LDLRAD3: variants seen among roughly 807,000 people sequenced by gnomAD.
The protein encoded by LDLRAD3 is low density lipoprotein receptor class A domain containing 3.
Under a neutral mutation model 29.4 loss-of-function variants are expected in LDLRAD3, and 20 were observed. The ratio of observed to expected loss-of-function variants is 0.68; its 90% CI spans 0.48 to 0.99. The LOEUF is 0.99. Among genes scored for constraint, LDLRAD3 ranks in the 50% least tolerant of loss-of-function variants. The pLI, the probability that LDLRAD3 is intolerant of heterozygous loss-of-function variation, is 0.00. For synonymous variants in LDLRAD3, 157 were observed against 192.7 expected, an observed-to-expected ratio of 0.81 and a Z score of 1.53; for missense variants, 420 against 454.3, an observed-to-expected ratio of 0.92 and a Z score of 0.69.
At chr11:36,161,723 A>C (rs190095936) in intron 4 of LDLRAD3, among the ~76,000 whole-genome samples, 32 of 152,312 alleles carry the variant, frequency 2.1e-4, no homozygotes, top group Non-Finnish European at 4.4e-5. Flanking sequence ...GGGAAGTTTT[A>C]TTTTGCCACT....
intron 1 of LDLRAD3, among the ~76,000 whole-genome samples, chr11:36,013,670 G>GTA (rs1369048305): frequency 6.6e-6 from 1 of 152,142 alleles, no homozygotes; most frequent in Non-Finnish European, 1.5e-5. Context: ...GTATTCCATG[G>GTA]TATATATGTG....
intron 1 of LDLRAD3, among the ~76,000 whole-genome samples, chr11:35,996,393 C>G (rs575466401): frequency 6.6e-6 from 1 of 151,972 alleles, no homozygotes; most frequent in Admixed American, 6.6e-5. Context: ...GTTTGAGGTG[C>G]CCCAAAATGT....
chr11:35,947,948 A>G (rs1400636551), intron 1 of LDLRAD3, among the ~76,000 whole-genome samples: 3 of 152,226 alleles, frequency 2.0e-5, no homozygotes, highest in African/African-American at 7.2e-5. Context: ...CTTTCTTTGC[A>G]GGATACTTTG....
intron 2 of LDLRAD3, among the ~76,000 whole-genome samples, chr11:36,073,889 G>A (rs1381411713): frequency 6.6e-6 from 1 of 152,202 alleles, no homozygotes; most frequent in East Asian, 1.9e-4. Context: ...ATCTAAGGAG[G>A]CGGCAGAGCA....
At chr11:36,037,356 C>A (rs1003214086) in intron 2 of LDLRAD3, among the ~76,000 whole-genome samples, 1 of 152,122 alleles carries the variant, frequency 6.6e-6, no homozygotes. Flanking sequence ...GCTCTGTCAC[C>A]CGGGGCTGGA....
chr11:36,054,707 G>T (rs968536426), intron 2 of LDLRAD3, among the ~76,000 whole-genome samples: 1 of 90,642 alleles, frequency 1.1e-5, no homozygotes, highest in Non-Finnish European at 2.2e-5. Flanking sequence ...GGGTGGATGG[G>T]TGGGTGGATG....
intron 4 of LDLRAD3, among the ~76,000 whole-genome samples, chr11:36,120,828 A>G (rs183574273): frequency 6.6e-6 from 1 of 152,320 alleles, no homozygotes; most frequent in African/African-American, 2.4e-5. Context: ...TGATTAGGTC[A>G]TAAGGGCAGA....
intron 2 of LDLRAD3, among the ~76,000 whole-genome samples, chr11:36,048,369 A>C (rs1463852628): frequency 6.6e-6 from 1 of 152,162 alleles, no homozygotes; most frequent in Non-Finnish European, 1.5e-5. Flanking sequence ...AATGCTGTCG[A>C]GTTCCCATTG....
chr11:36,096,943 A>G (rs993233773), intron 3 of LDLRAD3, among the ~76,000 whole-genome samples: 7 of 152,236 alleles, frequency 4.6e-5, no homozygotes, highest in African/African-American at 7.2e-5. Flanking sequence ...ACTTGGCTGA[A>G]CTAGTTATTG....
In LDLRAD3 at chr11:36,167,909, G is replaced by A. The variant is rs192455428; in HGVS notation, c.455-59176G>A. 4.4e-3 allele frequency among the ~76,000 whole-genome samples: 666 copies of A among 152,256 alleles called. 3 individuals are homozygous for A. Among genetic ancestry groups the A allele is most frequent in the Non-Finnish European group, 6.4e-3 (435 of 68,018 alleles). ...ACCTTGACACATGGATGCAGTGTCT[G>A]GAAGGTGCACCAACTAAAATGCTTT... On this transcript the variant is annotated intron_variant, in intron 4 of 5. Transcript: ENST00000315571.
chr11:36,183,719 T>C (rs1854801195), intron 4 of LDLRAD3, among the ~76,000 whole-genome samples: 2 of 152,226 alleles, frequency 1.3e-5, no homozygotes, highest in Non-Finnish European at 2.9e-5. Flanking sequence ...TTCTGCACCA[T>C]AATTTGAATT....
intron 4 of LDLRAD3, chr11:36,163,643 C>A (rs551518489): frequency 6.6e-6 from 1 of 151,808 alleles, no homozygotes; most frequent in East Asian, 1.9e-4. Context: ...CATTTGATAA[C>A]CCACTTGAGT....
chr11:35,994,335 T>TA (rs1851724984), intron 1 of LDLRAD3, among the ~76,000 whole-genome samples: 1 of 37,362 alleles, frequency 2.7e-5, no homozygotes. Flanking sequence ...AGACTTTGTC[T>TA]CAAAAAAAAA....
chr11:35,982,608 C>T (rs1851555648), intron 1 of LDLRAD3, among the ~76,000 whole-genome samples: 1 of 152,090 alleles, frequency 6.6e-6, no homozygotes, highest in African/African-American at 2.4e-5. Flanking sequence ...CTGTGCATGC[C>T]CAGAAGGTGT....
At chr11:35,975,848 T>C (rs976620303) in intron 1 of LDLRAD3, among the ~76,000 whole-genome samples, 1 of 149,524 alleles carries the variant, frequency 6.7e-6, no homozygotes, top group Non-Finnish European at 1.5e-5. Context: ...TTTTTTTTTT[T>C]AGAAGAAGGG....
chr11:36,107,404 C>G (rs1853544900), intron 4 of LDLRAD3, among the ~76,000 whole-genome samples: 1 of 152,030 alleles, frequency 6.6e-6, no homozygotes, highest in Admixed American at 6.5e-5. Context: ...CCACGTTGGC[C>G]AGGCTGGTCT....
chr11:36,148,623 G>A (rs1327044504), intron 4 of LDLRAD3, among the ~76,000 whole-genome samples: 1 of 152,164 alleles, frequency 6.6e-6, no homozygotes. Flanking sequence ...CAAGGAGAAG[G>A]AGATAGGGCC....
intron 4 of LDLRAD3, among the ~76,000 whole-genome samples, chr11:36,199,909 G>A (rs939940729): frequency 3.9e-5 from 6 of 152,190 alleles, no homozygotes; most frequent in African/African-American, 9.6e-5. Context: ...GCTCATGCCT[G>A]TAATCTCAGC....
chr11:35,967,921 T>G (rs930356310), intron 1 of LDLRAD3: 3 of 391,752 alleles, frequency 7.7e-6, no homozygotes, highest in African/African-American at 6.3e-5. Flanking sequence ...TGTATGAGCA[T>G]AAACTTCACG....
Sources: allele counts gnomAD v4.1 joint callset (sites outside exome capture counted in the v4.1 genomes callset), GRCh38; gene constraint gnomAD v4.1.1; transcripts MANE v1.5; gene names NCBI Gene and HGNC (gene_info 2026-07-23, HGNC 2026-07-21).